The following CA10 variants were observed in gnomAD, a reference collection of about 807,000 sequenced individuals.
The protein encoded by CA10 is carbonic anhydrase-related protein 10.
A neutral mutation model predicts 44.2 loss-of-function variants in CA10; 14 were observed. The observed-to-expected ratio is 0.32, with a 90% CI of 0.21 to 0.50. The LOEUF is 0.50. Among genes scored for constraint, CA10 ranks in the 20% least tolerant of loss-of-function variants. The pLI is 0.99. For synonymous variants in CA10, 159 were observed against 141.6 expected (o/e 1.12, Z -0.87); for missense variants, 350 against 409.7 (o/e 0.85, Z 1.26).
intron 4 of CA10, among the ~76,000 whole-genome samples, chr17:51,678,776 A>AT (rs1014835668): frequency 1.3e-3 from 195 of 152,296 alleles, no homozygotes; most frequent in African/African-American, 5.5e-4. Context: ...TAAAATTGGC[A>AT]TTTTTTCTCC....
chr17:52,140,269 T>C (rs552503364), intron 1 of CA10, among the ~76,000 whole-genome samples: 1 of 152,322 alleles, frequency 6.6e-6, no homozygotes. Context: ...TTAATTAATG[T>C]ATTATGCTTC....
chr17:51,901,621 G>C (rs1288418738), intron 3 of CA10, among the ~76,000 whole-genome samples: 1 of 152,182 alleles, frequency 6.6e-6, no homozygotes, highest in East Asian at 1.9e-4. Flanking sequence ...TGGGGTACTA[G>C]TCTGAATTTT....
intron 3 of CA10, among the ~76,000 whole-genome samples, chr17:51,815,436 T>C (rs1427632001): frequency 1.3e-5 from 2 of 152,258 alleles, no homozygotes; most frequent in East Asian, 3.9e-4. Flanking sequence ...CTTCTGGGGC[T>C]CACTGCCACA....
chr17:51,784,438 C>T (rs926471146), intron 3 of CA10, among the ~76,000 whole-genome samples: 1 of 152,170 alleles, frequency 6.6e-6, no homozygotes, highest in Admixed American at 6.5e-5. Context: ...CTCATCAAAA[C>T]CTACTATGGA....
At chr17:51,668,649 C>A (rs538333755) in intron 4 of CA10, among the ~76,000 whole-genome samples, 11 of 152,190 alleles carry the variant, frequency 7.2e-5, no homozygotes, top group Non-Finnish European at 1.6e-4. Flanking sequence ...GGGACCTCCT[C>A]GGCCTCTGCA....
Position 51,882,077 on chromosome 17 carries a change from AAAAAG to A in CA10, c.279+48908_279+48912del, listed in dbSNP as rs1416192487. Among the ~76,000 whole-genome samples the A allele has an allele frequency of 3.0e-4, 46 of 151,984 alleles. 1 individual carries two copies. The East Asian group carries it at 5.0e-3, about 17-fold the overall frequency. On this transcript the variant is annotated intron_variant, in intron 3 of 8. Coordinates refer to ENST00000451037, the MANE Select transcript of CA10 (RefSeq NM_020178.5). ...CTTCGCAGTGGCAACAAAAAAAAAA[AAAAAG>A]AAAAGAAAAGAATAGAGTTACACGG... is the stretch of plus-strand genomic sequence containing the variant.
chr17:51,854,590 T>G lies in CA10; in HGVS notation c.279+76400A>C, dbSNP rs548097855. ...TAATGAAAGCAGCATCTGAGGAAGG[T>G]GAGTTCTGCACAAGTCATCATGCCA... is the stretch of plus-strand genomic sequence containing the variant. On this transcript the variant is annotated intron_variant, in intron 3 of 8. Transcript: ENST00000451037. Among the ~76,000 whole-genome samples the G allele has an allele frequency of 2.3e-4, 35 of 152,122 alleles. 1 individual carries two copies. The South Asian group carries it at 6.0e-3, about 26-fold the overall frequency.
intron 3 of CA10, among the ~76,000 whole-genome samples, chr17:51,882,307 T>C (rs1167282572): frequency 6.6e-6 from 1 of 152,190 alleles, no homozygotes; most frequent in Non-Finnish European, 1.5e-5. Context: ...TATTATCATA[T>C]CCTTTTTCAT....
intron 4 of CA10, among the ~76,000 whole-genome samples, chr17:51,732,559 T>A (rs1916757019): frequency 6.6e-6 from 1 of 152,188 alleles, no homozygotes; most frequent in Non-Finnish European, 1.5e-5. Flanking sequence ...GGCAGACATC[T>A]TTTAGGGTGT....
chr17:51,813,082 A>G (rs530051981), intron 3 of CA10, among the ~76,000 whole-genome samples: 58 of 152,350 alleles, frequency 3.8e-4, no homozygotes, highest in African/African-American at 1.3e-3. Flanking sequence ...GAGTGAACAG[A>G]AAAAGCACAA....
intron 1 of CA10, among the ~76,000 whole-genome samples, chr17:52,120,397 T>C (rs562349902): frequency 8.6e-5 from 13 of 152,018 alleles, no homozygotes; most frequent in African/African-American, 3.1e-4. Context: ...GCAGTTAATA[T>C]TGGTCTTCAT....
At chr17:52,049,329 T>TA (rs1986995879) in intron 2 of CA10, among the ~76,000 whole-genome samples, 1 of 152,086 alleles carries the variant, frequency 6.6e-6, no homozygotes, top group Non-Finnish European at 1.5e-5. Context: ...CGGCCTTGAG[T>TA]AAGTTACTAA....
intron 3 of CA10, among the ~76,000 whole-genome samples, chr17:51,786,643 C>T (rs1411148611): frequency 6.6e-6 from 1 of 151,622 alleles, no homozygotes; most frequent in Non-Finnish European, 1.5e-5. Context: ...ATATCTTTCT[C>T]TTGCCTGATT....
At chr17:52,146,638 C>A (rs970461390) in intron 1 of CA10, among the ~76,000 whole-genome samples, 1 of 151,112 alleles carries the variant, frequency 6.6e-6, no homozygotes, top group East Asian at 1.9e-4. Flanking sequence ...TGCAGTGAGC[C>A]GAGATCCCAC....
chr17:51,734,656 G>T (rs1916837437), intron 4 of CA10, among the ~76,000 whole-genome samples: 1 of 152,074 alleles, frequency 6.6e-6, no homozygotes. Context: ...GGCAGGGAAG[G>T]GCACCACCTG....
chr17:52,122,936 G>C (rs1434576378), intron 1 of CA10, among the ~76,000 whole-genome samples: 1 of 152,066 alleles, frequency 6.6e-6, no homozygotes, highest in Non-Finnish European at 1.5e-5. Context: ...CTGTAACCAG[G>C]GCTTGTGTTT....
chr17:51,952,345 G>T (rs886970696), intron 2 of CA10, among the ~76,000 whole-genome samples: 18 of 152,060 alleles, frequency 1.2e-4, no homozygotes, highest in African/African-American at 4.3e-4. Context: ...CTTTTTCCAA[G>T]TGAGGTTATA....
At chr17:52,146,706 A>T (rs1199955715) in intron 1 of CA10, among the ~76,000 whole-genome samples, 45 of 94,118 alleles carry the variant, frequency 4.8e-4, no homozygotes, top group East Asian at 3.8e-3. Context: ...AAATATAAAA[A>T]AATAAAAATA....
chr17:51,897,028 T>C (rs1422815791), intron 3 of CA10, among the ~76,000 whole-genome samples: 1 of 152,138 alleles, frequency 6.6e-6, no homozygotes, highest in Non-Finnish European at 1.5e-5. Context: ...GTTCTCTGTT[T>C]ACTCTGTTGA....
Sources: allele counts gnomAD v4.1 joint callset (sites outside exome capture counted in the v4.1 genomes callset), GRCh38; gene constraint gnomAD v4.1.1; transcripts MANE v1.5; gene names NCBI Gene and HGNC (gene_info 2026-07-23, HGNC 2026-07-21).